Variants in IGF2BP3 observed in about 807,000 individuals in gnomAD.
IGF2BP3 encodes insulin like growth factor 2 mRNA binding protein 3, also known as insulin-like growth factor 2 mRNA-binding protein 3.
In IGF2BP3, 9 loss-of-function variants were observed where a neutral mutation model predicts 73.8. The ratio of observed to expected loss-of-function variants is 0.12; its 90% confidence interval spans 0.07 to 0.21. IGF2BP3 has a LOEUF of 0.21. Ranked by LOEUF, IGF2BP3 falls within the 10% of genes least tolerant of loss-of-function variation. The probability of loss-of-function intolerance (pLI) is 1.00; values close to 1 mark genes in which losing one functional copy is unlikely to be tolerated. For synonymous variants in IGF2BP3, 258 were observed against 256.7 expected (o/e 1.01, Z -0.05); for missense variants, 542 against 714.0 (o/e 0.76, Z 2.75).
intron 9 of IGF2BP3, 22 bp downstream of exon 9, chr7:23,343,696 T>G: frequency 6.3e-7 from 1 of 1,595,344 alleles, no homozygotes. Flanking sequence ...AATAAAGACA[T>G]GCCCTTCATA....
At chr7:23,362,138 G>A (rs944739200) in intron 3 of IGF2BP3, among the ~76,000 whole-genome samples, 2 of 152,164 alleles carry the variant, frequency 1.3e-5, no homozygotes, top group African/African-American at 2.4e-5. Context: ...TTAACAGGGC[G>A]CGGTGGCTCG....
chr7:23,385,733 ATTATTTTTTTT>A, intron 3 of IGF2BP3, among the ~76,000 whole-genome samples: 1 of 149,750 alleles, frequency 6.7e-6, no homozygotes, highest in South Asian at 2.1e-4. Context: ...TTATTTTTTT[ATTATTTTTTTT>A]TTTAGAAAGA....
intron 2 of IGF2BP3, 97 bp downstream of exon 2, chr7:23,468,385 G>T: frequency 1.6e-6 from 2 of 1,231,132 alleles, no homozygotes; most frequent in Non-Finnish European, 2.4e-6. Context: ...CCACACGGCA[G>T]GGGGTAAGCA....
chr7:23,389,430 G>T (rs1173162072), intron 3 of IGF2BP3, among the ~76,000 whole-genome samples: 1 of 152,052 alleles, frequency 6.6e-6, no homozygotes, highest in Non-Finnish European at 1.5e-5. Flanking sequence ...AAAGTGCTGG[G>T]ATTTACAGGG....
intron 2 of IGF2BP3, among the ~76,000 whole-genome samples, chr7:23,441,107 C>G (rs188036623): frequency 3.0e-4 from 45 of 152,016 alleles, no homozygotes; most frequent in African/African-American, 1.0e-3. Flanking sequence ...ATTTCAAGAG[C>G]CTATATATTC....
chr7:23,427,250 G>T (rs1477264715), intron 2 of IGF2BP3, among the ~76,000 whole-genome samples: 1 of 152,062 alleles, frequency 6.6e-6, no homozygotes, highest in Admixed American at 6.6e-5. Flanking sequence ...CGGGCAGGAA[G>T]CTCCAATTTT....
At chr7:23,364,580 TTGGGGGG>T (rs1401383806) in intron 3 of IGF2BP3, among the ~76,000 whole-genome samples, 1 of 104,848 alleles carries the variant, frequency 9.5e-6, no homozygotes, top group Non-Finnish European at 1.8e-5. Context: ...AAGCGGGAGG[TTGGGGGG>T]TGGGGGGTGG....
chr7:23,314,303 C>T (rs1260105475), intron 12 of IGF2BP3, among the ~76,000 whole-genome samples: 2 of 152,106 alleles, frequency 1.3e-5, no homozygotes, highest in African/African-American at 4.8e-5. Flanking sequence ...CTGCCTCAGC[C>T]TCCTGAGTAG....
At chr7:23,399,351 G>A (rs1786586212) in intron 3 of IGF2BP3, among the ~76,000 whole-genome samples, 1 of 150,862 alleles carries the variant, frequency 6.6e-6, no homozygotes, top group Non-Finnish European at 1.5e-5. Context: ...TATGTAACCT[G>A]CACATTGTGC....
intron 2 of IGF2BP3, among the ~76,000 whole-genome samples, chr7:23,458,539 A>G (rs1788372030): frequency 1.3e-5 from 2 of 152,200 alleles, no homozygotes; most frequent in South Asian, 4.1e-4. Context: ...ACATATCCCC[A>G]GGAACCACAA....
At chr7:23,405,591 C>T (rs1463000965) in intron 3 of IGF2BP3, among the ~76,000 whole-genome samples, 5 of 152,116 alleles carry the variant, frequency 3.3e-5, no homozygotes, top group African/African-American at 4.8e-5. Context: ...ATGCCTGAGC[C>T]CCGCCTCCTG....
At chr7:23,355,869 G>A (rs1159807195) in intron 5 of IGF2BP3, among the ~76,000 whole-genome samples, 3 of 151,424 alleles carry the variant, frequency 2.0e-5, no homozygotes, top group African/African-American at 7.3e-5. Flanking sequence ...GGAGGCGGAG[G>A]TTGCAGTGAG....
chr7:23,334,739 G>A (rs981095620), intron 10 of IGF2BP3, among the ~76,000 whole-genome samples: 6 of 152,164 alleles, frequency 3.9e-5, no homozygotes, highest in Non-Finnish European at 7.3e-5. Flanking sequence ...GAACAAAGCT[G>A]CTCAACTGAA....
At chr7:23,390,021 G>A (rs568168087) in intron 3 of IGF2BP3, among the ~76,000 whole-genome samples, 2 of 152,148 alleles carry the variant, frequency 1.3e-5, no homozygotes, top group African/African-American at 4.8e-5. Flanking sequence ...TCAAAGATAG[G>A]CAAATATGCC....
intron 2 of IGF2BP3, 87 bp downstream of exon 2, chr7:23,468,395 A>G: frequency 2.2e-6 from 3 of 1,352,194 alleles, no homozygotes; most frequent in Non-Finnish European, 2.1e-6. Context: ...GGGGGTAAGC[A>G]CCAGAGGACA....
chr7:23,460,189 A>C (rs921386545), intron 2 of IGF2BP3, among the ~76,000 whole-genome samples: 4 of 150,082 alleles, frequency 2.7e-5, no homozygotes, highest in Non-Finnish European at 3.0e-5. Context: ...AAAAAAAAAA[A>C]AAAAAAACAA....
intron 3 of IGF2BP3, among the ~76,000 whole-genome samples, chr7:23,408,160 G>A (rs1408663472): frequency 6.6e-6 from 1 of 152,126 alleles, no homozygotes; most frequent in African/African-American, 2.4e-5. Flanking sequence ...ATGTGATGAT[G>A]AAAGACAATG....
At chr7:23,380,487 G>A (rs1242375968) in intron 3 of IGF2BP3, among the ~76,000 whole-genome samples, 3 of 152,098 alleles carry the variant, frequency 2.0e-5, no homozygotes, top group African/African-American at 7.2e-5. Flanking sequence ...CTTCTTGGCC[G>A]ATGAGTGGCA....
At chr7:23,463,067 G>C (rs1316447373) in intron 2 of IGF2BP3, among the ~76,000 whole-genome samples, 1 of 152,096 alleles carries the variant, frequency 6.6e-6, no homozygotes, top group Non-Finnish European at 1.5e-5. Context: ...TGAATCAGAG[G>C]CAACAGTTGA....
Sources: gnomAD v4.1 joint callset for allele counts (sites outside exome capture counted in the v4.1 genomes callset) on GRCh38, gnomAD v4.1.1 for gene constraint, MANE v1.5 for transcripts, NCBI Gene and HGNC (gene_info 2026-07-23, HGNC 2026-07-21) for gene names.